The following PKIB variants were observed in gnomAD, a reference collection of about 807,000 sequenced individuals.
PKIB encodes PKI-beta.
A neutral mutation model predicts 4.5 loss-of-function variants in PKIB; 2 were observed. The observed-to-expected ratio is 0.44, with a 90% CI of 0.18 to 1.39. The LOEUF (loss-of-function observed/expected upper bound fraction) is 1.39. Ranked by LOEUF, PKIB falls within the 40% of genes most tolerant of loss-of-function variation. PKIB has a pLI of 0.27. For missense variants in PKIB, 94 were observed against 92.6 expected, an observed-to-expected ratio of 1.02 and a Z score of -0.06; for synonymous variants, 38 against 36.0, an observed-to-expected ratio of 1.06 and a Z score of -0.20.
At chr6:122,613,694 G>T (rs567126125) in intron 1 of PKIB, among the ~76,000 whole-genome samples, 1 of 152,182 alleles carries the variant, frequency 6.6e-6, no homozygotes, top group African/African-American at 2.4e-5. Flanking sequence ...GGCCCTGCGT[G>T]GTGGCTCATG....
chr6:122,507,088 T>G (rs1776433307), intron 2 of PKIB, among the ~76,000 whole-genome samples: 1 of 152,196 alleles, frequency 6.6e-6, no homozygotes, highest in South Asian at 2.1e-4. Context: ...ATTGTTTTAA[T>G]TGAACCAAAC....
intron 2 of PKIB, among the ~76,000 whole-genome samples, chr6:122,565,202 A>T (rs768435425): frequency 7.9e-5 from 12 of 152,158 alleles, no homozygotes; most frequent in Admixed American, 3.9e-4. Context: ...AGTTACTGTC[A>T]TTTTTACCTA....
chr6:122,539,437 A>G (rs1777518177), intron 2 of PKIB, among the ~76,000 whole-genome samples: 1 of 152,058 alleles, frequency 6.6e-6, no homozygotes, highest in South Asian at 2.1e-4. Flanking sequence ...CTATTGAGAT[A>G]ATCATGTGGT....
At chr6:122,543,606 C>T (rs1457661728) in intron 2 of PKIB, among the ~76,000 whole-genome samples, 1 of 151,894 alleles carries the variant, frequency 6.6e-6, no homozygotes, top group Non-Finnish European at 1.5e-5. Flanking sequence ...TCTTGAGCTC[C>T]TGACCTCACA....
intron 2 of PKIB, among the ~76,000 whole-genome samples, chr6:122,673,120 A>AT (rs560055603): frequency 4.4e-4 from 66 of 151,366 alleles, no homozygotes; most frequent in African/African-American, 1.2e-3. Flanking sequence ...TATTTCACTC[A>AT]TTTTTTTTTA....
At chr6:122,574,202 C>T (rs993894539) in intron 2 of PKIB, among the ~76,000 whole-genome samples, 5 of 152,092 alleles carry the variant, frequency 3.3e-5, no homozygotes, top group Admixed American at 2.6e-4. Flanking sequence ...ACACAAAAAT[C>T]TAGGAATATC....
At chr6:122,631,150 A>T (rs1359045791) in intron 1 of PKIB, among the ~76,000 whole-genome samples, 3 of 152,188 alleles carry the variant, frequency 2.0e-5, no homozygotes, top group Non-Finnish European at 2.9e-5. Context: ...AAAACTCTAC[A>T]ACACAATGAC....
At chr6:122,521,061 G>A (rs1402204873) in intron 2 of PKIB, among the ~76,000 whole-genome samples, 1 of 152,178 alleles carries the variant, frequency 6.6e-6, no homozygotes, top group African/African-American at 2.4e-5. Flanking sequence ...GCATTTTCGT[G>A]GAGAAGAATT....
intron 4 of PKIB, among the ~76,000 whole-genome samples, chr6:122,723,608 T>C (rs1353246648): frequency 1.3e-5 from 2 of 152,136 alleles, no homozygotes; most frequent in Admixed American, 6.5e-5. Context: ...TCTATTCCAA[T>C]TTTCTCTACC....
intron 3 of PKIB, among the ~76,000 whole-genome samples, chr6:122,675,651 A>G (rs1056614833): frequency 2.6e-5 from 4 of 152,328 alleles, no homozygotes; most frequent in African/African-American, 9.6e-5. Flanking sequence ...TGAAAGGCCT[A>G]TTATTGTCCT....
chr6:122,566,145 G>A (rs906158067), intron 2 of PKIB, among the ~76,000 whole-genome samples: 1 of 151,896 alleles, frequency 6.6e-6, no homozygotes, highest in African/African-American at 2.4e-5. Context: ...TGGACTTTTA[G>A]TAGACAGGCT....
chr6:122,567,157 A>G (rs756511236), intron 2 of PKIB, among the ~76,000 whole-genome samples: 79 of 152,312 alleles, frequency 5.2e-4, no homozygotes, highest in Non-Finnish European at 1.1e-3. Flanking sequence ...GTGACTTCCA[A>G]TTGCTGATGC....
chr6:122,623,836 A>ATT (rs35619999), intron 1 of PKIB, among the ~76,000 whole-genome samples: 73 of 149,408 alleles, frequency 4.9e-4, no homozygotes, highest in African/African-American at 1.6e-3. Context: ...TTTAAGAGTG[A>ATT]TTTTTTTTTT....
At chr6:122,578,034 A>C (rs1773600834) in intron 2 of PKIB, among the ~76,000 whole-genome samples, 1 of 152,128 alleles carries the variant, frequency 6.6e-6, no homozygotes, top group African/African-American at 2.4e-5. Flanking sequence ...TAAAGGGGTA[A>C]AACTTAGTGG....
intron 2 of PKIB, among the ~76,000 whole-genome samples, chr6:122,493,927 C>T (rs1033130215): frequency 3.3e-5 from 5 of 152,034 alleles, no homozygotes; most frequent in Non-Finnish European, 7.4e-5. Context: ...TGGAAAGAAA[C>T]GGGATCTTCT....
At chr6:122,632,887 A>T (rs959287738) in intron 1 of PKIB, among the ~76,000 whole-genome samples, 2 of 152,074 alleles carry the variant, frequency 1.3e-5, no homozygotes, top group East Asian at 3.9e-4. Context: ...CTAAAAAAAA[A>T]TCTTGCTTTC....
chr6:122,676,590 T>TCA (rs1777684762), intron 3 of PKIB, among the ~76,000 whole-genome samples: 1 of 152,192 alleles, frequency 6.6e-6, no homozygotes, highest in African/African-American at 2.4e-5. Flanking sequence ...CTACCCTAGA[T>TCA]CATTTTATGA....
chr6:122,533,794 C>T (rs117178428), intron 2 of PKIB, among the ~76,000 whole-genome samples: 4,707 of 152,114 alleles, frequency 0.031, 102 homozygotes, highest in Non-Finnish European at 0.05. Flanking sequence ...CATGGGTCTG[C>T]GTTTTCCTCT....
intron 3 of PKIB, among the ~76,000 whole-genome samples, chr6:122,699,544 A>G (rs1582824125): frequency 6.6e-6 from 1 of 152,318 alleles, no homozygotes; most frequent in Admixed American, 6.5e-5. Context: ...GGACAGGCCA[A>G]ACAGGCCAGA....
Sources: gnomAD v4.1 joint callset for allele counts (sites outside exome capture counted in the v4.1 genomes callset) on GRCh38, gnomAD v4.1.1 for gene constraint, MANE v1.5 for transcripts, NCBI Gene and HGNC (gene_info 2026-07-23, HGNC 2026-07-21) for gene names.